Variants in TPH2 observed in about 807,000 individuals in gnomAD.
The protein encoded by TPH2 is tryptophan 5-hydroxylase 2.
Under a neutral mutation model 59.1 loss-of-function variants are expected in TPH2, and 27 were observed. The ratio of observed to expected loss-of-function variants is 0.46; its 90% CI spans 0.34 to 0.63. The LOEUF (loss-of-function observed/expected upper bound fraction) is 0.63, where lower values mean the gene tolerates loss of function less well. Among genes scored for constraint, TPH2 ranks in the 30% least tolerant of loss-of-function variants. TPH2 has a pLI of 0.01. For synonymous variants in TPH2, 220 were observed against 210.5 expected (o/e 1.05, Z -0.39); for missense variants, 523 against 588.3 (o/e 0.89, Z 1.15).
chr12:72,013,981 G>A (rs993306812), intron 8 of TPH2, among the ~76,000 whole-genome samples: 5 of 152,224 alleles, frequency 3.3e-5, no homozygotes, highest in Non-Finnish European at 5.9e-5. Flanking sequence ...GGTGGGTTTC[G>A]TTGAGAGGCT....
intron 8 of TPH2, among the ~76,000 whole-genome samples, chr12:72,019,982 C>A (rs1873365495): frequency 6.6e-6 from 1 of 152,146 alleles, no homozygotes; most frequent in South Asian, 2.1e-4. Flanking sequence ...CTGCCACATG[C>A]CAGCTTAACT....
chr12:71,964,940 C>T (rs189619055), intron 5 of TPH2: 1 of 167,310 alleles, frequency 6.0e-6, no homozygotes, highest in Admixed American at 6.5e-5. Context: ...CTCCTCTCAC[C>T]CTCCACCCTC....
intron 7 of TPH2, among the ~76,000 whole-genome samples, chr12:71,992,143 T>C (rs1872590070): frequency 6.6e-6 from 1 of 152,210 alleles, no homozygotes; most frequent in Admixed American, 6.5e-5. Context: ...CATTTTTACT[T>C]GTGCTAGCTA....
chr12:72,029,981 G>C (rs1230659954), intron 9 of TPH2, among the ~76,000 whole-genome samples: 1 of 152,112 alleles, frequency 6.6e-6, no homozygotes, highest in Admixed American at 6.6e-5. Flanking sequence ...AGGTAGAAAA[G>C]TATAATGGGT....
intron 8 of TPH2, among the ~76,000 whole-genome samples, chr12:72,013,960 AC>A (rs1439059905): frequency 1.3e-5 from 2 of 152,014 alleles, no homozygotes; most frequent in Admixed American, 1.3e-4. Flanking sequence ...TTGCTATGAA[AC>A]CCAGTGAATG....
chr12:71,973,188 G>T (rs1158968244), intron 6 of TPH2, among the ~76,000 whole-genome samples: 1 of 152,190 alleles, frequency 6.6e-6, no homozygotes, highest in Non-Finnish European at 1.5e-5. Context: ...CTTGAATAGG[G>T]GCTGGGTAGA....
intron 5 of TPH2, chr12:71,962,441 G>A: frequency 1.0e-6 from 1 of 985,390 alleles, no homozygotes; most frequent in Non-Finnish European, 1.2e-6. Context: ...GTGTGACTGA[G>A]TGATGATGTC....
chr12:72,022,550 A>G, intron 9 of TPH2, 56 bp downstream of exon 9: 1 of 1,258,748 alleles, frequency 7.9e-7, no homozygotes, highest in South Asian at 1.2e-5. Flanking sequence ...AAGGTCAGGG[A>G]AAATATTGAT....
At chr12:71,951,817 G>A (rs1176283458) in intron 5 of TPH2, among the ~76,000 whole-genome samples, 3 of 152,050 alleles carry the variant, frequency 2.0e-5, no homozygotes, top group Non-Finnish European at 4.4e-5. Flanking sequence ...CCTGAGGTCA[G>A]GAGTTCAAGA....
At chr12:72,003,461 G>T (rs1373506738) in intron 8 of TPH2, among the ~76,000 whole-genome samples, 1 of 152,194 alleles carries the variant, frequency 6.6e-6, no homozygotes, top group Non-Finnish European at 1.5e-5. Context: ...TAGAAGAGTA[G>T]TAGCATCTTG....
intron 9 of TPH2, among the ~76,000 whole-genome samples, chr12:72,029,703 C>G (rs1434020179): frequency 2.0e-5 from 3 of 152,092 alleles, no homozygotes; most frequent in African/African-American, 7.2e-5. Flanking sequence ...CGCTGAGAGG[C>G]CCTCTGCATT....
At chr12:71,959,146 T>A (rs1482827375) in intron 5 of TPH2, among the ~76,000 whole-genome samples, 1 of 151,984 alleles carries the variant, frequency 6.6e-6, no homozygotes, top group Non-Finnish European at 1.5e-5. Context: ...GGACTGAGAT[T>A]CAGTACTGTG....
chr12:71,987,620 G>A (rs2171365), intron 7 of TPH2, among the ~76,000 whole-genome samples: 78,076 of 152,002 alleles, frequency 0.51, 20,710 homozygotes, highest in Middle Eastern at 0.59. Context: ...AGGCTGAGAC[G>A]GGCAGATCAC....
chr12:72,010,769 A>G (rs1197864646), intron 8 of TPH2, among the ~76,000 whole-genome samples: 1 of 152,160 alleles, frequency 6.6e-6, no homozygotes, highest in Non-Finnish European at 1.5e-5. Flanking sequence ...GGGAGTCAGT[A>G]AAAACCTCAT....
At chr12:71,956,870 A>C (rs73342842) in intron 5 of TPH2, among the ~76,000 whole-genome samples, 6,518 of 152,156 alleles carry the variant, frequency 0.043, 208 homozygotes, top group South Asian at 0.13. Context: ...TTGGCCTCCC[A>C]AAGTGCTAGG....
chr12:71,957,616 G>C (rs919058482), intron 5 of TPH2, among the ~76,000 whole-genome samples: 6 of 152,120 alleles, frequency 3.9e-5, no homozygotes, highest in Non-Finnish European at 7.4e-5. Flanking sequence ...GATTATAATT[G>C]TAAGCCACTG....
chr12:72,004,122 T>A (rs116542017), intron 8 of TPH2, among the ~76,000 whole-genome samples: 1 of 140,590 alleles, frequency 7.1e-6, no homozygotes, highest in South Asian at 2.9e-4. Flanking sequence ...TTCGGGATGT[T>A]TGATGTACAG....
chr12:72,000,297 A>G (rs1682670362), intron 8 of TPH2, among the ~76,000 whole-genome samples: 1 of 152,352 alleles, frequency 6.6e-6, no homozygotes, highest in East Asian at 1.9e-4. Context: ...GGACAAAATA[A>G]TTTGCAATTT....
chr12:71,969,248 A>C (rs975391505), intron 5 of TPH2, among the ~76,000 whole-genome samples: 1 of 152,124 alleles, frequency 6.6e-6, no homozygotes, highest in Non-Finnish European at 1.5e-5. Flanking sequence ...ACACCACTGC[A>C]CTCCAGCCTG....
Sources: gnomAD v4.1 joint callset for allele counts (sites outside exome capture counted in the v4.1 genomes callset) on GRCh38, gnomAD v4.1.1 for gene constraint, MANE v1.5 for transcripts, NCBI Gene and HGNC (gene_info 2026-07-23, HGNC 2026-07-21) for gene names.